The following SHANK1 variants were observed in gnomAD, a reference collection of about 807,000 sequenced individuals.
The protein encoded by SHANK1 is SH3 and multiple ankyrin repeat domains 1.
A neutral mutation model predicts 165.6 loss-of-function variants in SHANK1; 35 were observed. The ratio of observed to expected loss-of-function variants is 0.21; its 90% CI spans 0.16 to 0.28. The LOEUF (loss-of-function observed/expected upper bound fraction) is 0.28, where lower values mean the gene tolerates loss of function less well. Ranked by LOEUF, SHANK1 falls within the 10% of genes least tolerant of loss-of-function variation. The pLI is 1.00. For missense variants in SHANK1, 2,681 were observed against 3,036.4 expected, an observed-to-expected ratio of 0.88 and a Z score of 2.75; for synonymous variants, 1,428 against 1,384.8, an observed-to-expected ratio of 1.03 and a Z score of -0.69.
In SHANK1 at chr19:50,672,555, CAAAAAAAAAAA is replaced by C. The variant is rs3987747; in HGVS notation, c.2578-452_2578-442del. On this transcript the variant is annotated intron_variant, in intron 21 of 23. Coordinates refer to ENST00000293441, the MANE Select transcript of SHANK1 (RefSeq NM_016148.5). ...TGGGCGACAGAGCCAGACTCTGTCT[CAAAAAAAAAAA>C]AAAAAAAAAAAAAAGAAAAGAAGGC... Among the ~76,000 whole-genome samples, 315 of 35,516 alleles carry C rather than the reference CAAAAAAAAAAA, an allele frequency of 8.9e-3. 3 individuals carry two copies. Among genetic ancestry groups the C allele is most frequent in the African/African-American group, 0.033 (289 of 8,888 alleles). 23.3% of individuals were successfully genotyped at this position (35,516 alleles called of 152,430 possible). A position where few individuals can be genotyped will look rare whatever the true frequency, so the allele number is the denominator to read the frequency against.
chr19:50,667,310 G>T lies in SHANK1; in HGVS notation c.4650C>A (p.Pro1550=). ...CATCTTCCACATCCACCGAGGGGGC[G>T]GGAGGCGGCAGGACCAGCAGGGGCA... The part of the protein sequence containing the change: ...NGLPLLVLPP[P]APSVDVEDGE... The change falls in exon 23 of 24, where the codon CCC becomes CCA. Residue 1550 remains proline (P), a synonymous_variant. Coordinates refer to ENST00000293441, the MANE Select transcript of SHANK1 (RefSeq NM_016148.5). The surrounding 1 kb of genome is among the most constrained non-coding windows in gnomAD (Gnocchi z 5.7). 4 of 1,590,736 alleles carry T rather than the reference G, an allele frequency of 2.5e-6. No individual in the cohort carries two copies. Among genetic ancestry groups the T allele is most frequent in the Non-Finnish European group, 1.7e-6 (2 of 1,175,046 alleles).
Position 50,666,368 on chromosome 19 carries a change from G to A in SHANK1, c.5592C>T (p.Ala1864=), listed in dbSNP as rs769444605. Reference sequence around the variant, plus strand: ...CACTGATGATGCTGGCTTTTACTGTGGCCAAGGCTGAGGCCTGAGGCTGGG... The same window carrying A: ...CACTGATGATGCTGGCTTTTACTGTAGCCAAGGCTGAGGCCTGAGGCTGGG... ...PLAQPQASAL[A]TVKASIISEL... The change falls in exon 23 of 24, where the codon GCC becomes GCT. Residue 1864 remains alanine (A), a synonymous_variant. Coordinates refer to ENST00000293441, the MANE Select transcript of SHANK1 (RefSeq NM_016148.5). 6.2e-6 allele frequency: 10 copies of A among 1,613,696 alleles called. No homozygotes were observed. The highest frequency in any genetic ancestry group is 8.5e-6 in the Non-Finnish European group (10 of 1,179,960).
intron 21 of SHANK1, among the ~76,000 whole-genome samples, chr19:50,680,009 G>A (rs111169262): frequency 0.017 from 2,634 of 151,588 alleles, 76 homozygotes; most frequent in East Asian, 0.12. Context: ...GAGAGACAAT[G>A]GCAGAGATGA....
Position 50,669,011 on chromosome 19 carries a change from G to C in SHANK1, c.2949C>G (p.Arg983=), listed in dbSNP as rs1183200204. The C allele has an allele frequency of 8.3e-6, 7 of 840,374 alleles. No individual in the cohort carries two copies. Among genetic ancestry groups the C allele is most frequent in the East Asian group, 2.8e-5 (1 of 35,308 alleles). The allele number at this position is 840,374 out of a possible 1,614,324, so 52.1% of individuals were successfully genotyped here. ...PSPPDTRVGS[R]EKSLYHSGPL... ...GCCCACTGTGGTACAGGCTCTTCTC[G>C]CGGCTCCCCACGCGAGTGTCGGGAG... Residue 983 remains arginine (R), a synonymous_variant, in exon 23 of 24, where the codon CGC becomes CGG. Coordinates refer to ENST00000293441, the MANE Select transcript of SHANK1 (RefSeq NM_016148.5).
Position 50,697,032 on chromosome 19 carries a change from C to T in SHANK1, c.1964+64G>A, listed in dbSNP as rs75302804. 22 of 1,279,700 alleles carry T rather than the reference C, an allele frequency of 1.7e-5. No homozygotes were observed. The highest frequency in any genetic ancestry group is 2.0e-5 in the Non-Finnish European group (18 of 884,422). 79.3% of individuals were successfully genotyped at this position (1,279,700 alleles called of 1,614,324 possible). A position where few individuals can be genotyped will look rare whatever the true frequency, so the allele number is the denominator to read the frequency against. On this transcript the variant is annotated intron_variant, in intron 15 of 23. Transcript: ENST00000293441. This position sits in a 1 kb window ranked among gnomAD's most constrained non-coding sequence, Gnocchi z 4.7. Reference sequence around the variant, plus strand: ...CTCTGGTCGTGCACACACGTTCACACGCCCCCCAGGCACCCCGTCCTTCCC... The same window carrying T: ...CTCTGGTCGTGCACACACGTTCACATGCCCCCCAGGCACCCCGTCCTTCCC...
intron 12 of SHANK1, 45 bp from the exon 13 acceptor site, chr19:50,698,001 C>T: frequency 7.2e-7 from 1 of 1,391,906 alleles, no homozygotes; most frequent in Non-Finnish European, 1.0e-6. Context: ...TGTTTCTGTG[C>T]TGCCCCTCAA....
intron 21 of SHANK1, among the ~76,000 whole-genome samples, chr19:50,678,771 GATGGGGAGGGGTCAGGGTGA>G (rs1986060606): frequency 1.3e-5 from 1 of 75,242 alleles, no homozygotes; most frequent in Non-Finnish European, 2.4e-5. Context: ...AGGTCAGGGT[GATGGGGAGGGGTCAGGGTGA>G]TGGGGAGGGG....
chr19:50,707,049 A>G (rs1227093647), intron 8 of SHANK1, among the ~76,000 whole-genome samples: 3 of 152,326 alleles, frequency 2.0e-5, no homozygotes, highest in African/African-American at 4.8e-5. Flanking sequence ...AAGTGCTGGG[A>G]TAACAGGCAT....
chr19:50,715,752 T>C, intron 3 of SHANK1, 22 bp from the exon 4 acceptor site: 1 of 1,606,806 alleles, frequency 6.2e-7, no homozygotes, highest in Admixed American at 1.7e-5. Flanking sequence ...GGTAGGGTAG[T>C]GAGAGAGACA....
At chr19:50,704,006 G>T in intron 10 of SHANK1, 114 bp downstream of exon 10, 1 of 1,141,588 alleles carries the variant, frequency 8.8e-7, no homozygotes, top group Non-Finnish European at 1.3e-6. Context: ...TGGTCCTCTA[G>T]GGTTTTCTCC....
At chr19:50,679,739 G>A (rs779934287) in intron 21 of SHANK1, among the ~76,000 whole-genome samples, 1 of 152,152 alleles carries the variant, frequency 6.6e-6, no homozygotes, top group East Asian at 1.9e-4. Flanking sequence ...AATGGACGGG[G>A]AGACAACTGA....
chr19:50,695,300 G>A (rs1345155382), intron 15 of SHANK1, among the ~76,000 whole-genome samples: 1 of 148,260 alleles, frequency 6.7e-6, no homozygotes, highest in Non-Finnish European at 1.5e-5. Context: ...GGTAGCGCGA[G>A]GACCGCGGAC....
chr19:50,704,568 C>A, intron 8 of SHANK1, 54 bp from the exon 9 acceptor site: 1 of 1,474,422 alleles, frequency 6.8e-7, no homozygotes, highest in South Asian at 1.1e-5. Context: ...AAATTAAGAT[C>A]ACCATGAGTG....
chr19:50,666,927 ACCT>A lies in SHANK1; in HGVS notation c.5030_5032del (p.Glu1677del). Reference sequence around the variant, plus strand: ...GTGGTCACTGCTGCTCCGACTGTCCACCTCCTCGATGCCAGAATCCGTGCCAGG... The same window carrying A: ...GTGGTCACTGCTGCTCCGACTGTCCACCTCGATGCCAGAATCCGTGCCAGG... On this transcript the variant is annotated inframe_deletion, in exon 23 of 24. Coordinates refer to ENST00000293441, the MANE Select transcript of SHANK1 (RefSeq NM_016148.5). 1.2e-6 allele frequency: 2 copies of A among 1,600,636 alleles called. No homozygotes were observed. Among genetic ancestry groups the A allele is most frequent in the Non-Finnish European group, 1.7e-6 (2 of 1,174,180 alleles).
intron 8 of SHANK1, among the ~76,000 whole-genome samples, chr19:50,710,333 C>T (rs964256765): frequency 2.6e-5 from 4 of 152,188 alleles, no homozygotes; most frequent in African/African-American, 7.2e-5. Context: ...CAAGTTCTGC[C>T]GAGGCAGAGG....
At chr19:50,675,133 G>A (rs940805461) in intron 21 of SHANK1, among the ~76,000 whole-genome samples, 12 of 151,520 alleles carry the variant, frequency 7.9e-5, no homozygotes, top group Non-Finnish European at 2.9e-5. Flanking sequence ...TACTTGGGAG[G>A]CTGAGGTGGG....
At position 50,667,856 on chromosome 19, in the gene SHANK1, C is replaced by T; in HGVS notation, c.4104G>A (p.Ser1368=). 7.7e-7 allele frequency: 1 copy of T among 1,303,598 alleles called. No homozygotes were observed. The highest frequency in any genetic ancestry group is 9.7e-7 in the Non-Finnish European group (1 of 1,030,160). The allele number at this position is 1,303,598 out of a possible 1,614,324, so 80.8% of individuals were successfully genotyped here. A position where few individuals can be genotyped will look rare whatever the true frequency, so the allele number is the denominator to read the frequency against. Residue 1368 remains serine, a synonymous_variant, in exon 23 of 24, where the codon TCG becomes TCA. Coordinates refer to ENST00000293441, the MANE Select transcript of SHANK1 (RefSeq NM_016148.5). The surrounding 1 kb of genome is among the most constrained non-coding windows in gnomAD (Gnocchi z 5.7). ...AARERALKES[S]EGGGAPQPPP... ...GCGGCTGGGGGGCCCCGCCGCCCTC[C>T]GAGGACTCCTTCAGCGCTCGCTCGC... is the stretch of plus-strand genomic sequence containing the variant.
At chr19:50,711,763 C>T (rs2089013552) in intron 7 of SHANK1, among the ~76,000 whole-genome samples, 184 bp downstream of exon 7, 1 of 152,216 alleles carries the variant, frequency 6.6e-6, no homozygotes, top group African/African-American at 2.4e-5. Flanking sequence ...GCATCAGGTT[C>T]CCCAGCCTAT....
chr19:50,673,527 C>T (rs879348693), intron 21 of SHANK1, among the ~76,000 whole-genome samples: 1 of 152,110 alleles, frequency 6.6e-6, no homozygotes, highest in Non-Finnish European at 1.5e-5. Flanking sequence ...CTTCCCCGGC[C>T]CCCTACCCAG....
Sources: allele counts gnomAD v4.1 joint callset (sites outside exome capture counted in the v4.1 genomes callset), GRCh38; gene constraint gnomAD v4.1.1; non-coding constraint Gnocchi (gnomAD v3.1); transcripts MANE v1.5; gene names NCBI Gene and HGNC (gene_info 2026-07-23, HGNC 2026-07-21).